CNTN3: variants seen among roughly 807,000 people sequenced by gnomAD.
The protein encoded by CNTN3 is contactin-3.
In CNTN3, 60 loss-of-function variants were observed where a neutral mutation model predicts 119.1. The ratio of observed to expected loss-of-function variants is 0.50; its 90% CI spans 0.41 to 0.62. The LOEUF is 0.62. Among genes scored for constraint, CNTN3 ranks in the 20% least tolerant of loss-of-function variants. CNTN3 has a pLI of 0.00. For missense variants in CNTN3, 1,101 were observed against 1,242.4 expected (o/e 0.89, Z 1.71); for synonymous variants, 450 against 438.7 (o/e 1.03, Z -0.32).
chr3:74,398,487 A>T (rs1389872502), intron 5 of CNTN3, among the ~76,000 whole-genome samples: 2 of 152,216 alleles, frequency 1.3e-5, no homozygotes, highest in Admixed American at 6.5e-5. Context: ...ATAAGCAAAC[A>T]CAGCTTTTAT....
chr3:74,531,369 A>T (rs1472900087), intron 1 of CNTN3, among the ~76,000 whole-genome samples: 1 of 151,996 alleles, frequency 6.6e-6, no homozygotes, highest in Non-Finnish European at 1.5e-5. Context: ...TTAGGGTTAC[A>T]TCTCATGAGT....
chr3:74,529,372 G>A (rs976658747), intron 1 of CNTN3, among the ~76,000 whole-genome samples: 8 of 151,934 alleles, frequency 5.3e-5, no homozygotes, highest in African/African-American at 1.9e-4. Context: ...CCTGGGTCAC[G>A]TGTTTAGAAA....
chr3:74,563,910 G>T (rs1190865747), intron 1 of CNTN3, among the ~76,000 whole-genome samples: 1 of 152,040 alleles, frequency 6.6e-6, no homozygotes, highest in East Asian at 1.9e-4. Flanking sequence ...GGGAATATTA[G>T]CCAATATTCA....
intron 1 of CNTN3, among the ~76,000 whole-genome samples, chr3:74,582,521 T>C (rs1044064018): frequency 2.0e-5 from 3 of 152,022 alleles, no homozygotes; most frequent in African/African-American, 7.2e-5. Flanking sequence ...AAAAGCCCCA[T>C]AAAAATAGGC....
chr3:74,285,824 TATATATATATATATAA>T (rs1702104738), intron 19 of CNTN3, among the ~76,000 whole-genome samples: 1 of 120,338 alleles, frequency 8.3e-6, no homozygotes, highest in African/African-American at 3.8e-5. Flanking sequence ...TATATATATA[TATATATATATATATAA>T]AATTAAAAAT....
chr3:74,588,779 C>A (rs1235457443), intron 1 of CNTN3, among the ~76,000 whole-genome samples: 2 of 152,108 alleles, frequency 1.3e-5, no homozygotes, highest in East Asian at 1.9e-4. Flanking sequence ...TGGAACAGAA[C>A]AGAGCCCTCA....
intron 1 of CNTN3, among the ~76,000 whole-genome samples, chr3:74,561,748 C>G (rs1487113125): frequency 1.3e-5 from 2 of 152,156 alleles, no homozygotes; most frequent in Non-Finnish European, 2.9e-5. Flanking sequence ...CTACAAGAGA[C>G]TGAGCCTGTG....
intron 4 of CNTN3, among the ~76,000 whole-genome samples, chr3:74,465,341 C>T (rs1159111447): frequency 1.3e-5 from 2 of 152,088 alleles, no homozygotes; most frequent in African/African-American, 4.8e-5. Flanking sequence ...AGGTCTTTAT[C>T]GTTACTATTA....
At position 74,365,642 on chromosome 3, in the gene CNTN3, T is replaced by A; in HGVS notation, c.1007A>T (p.Tyr336Phe). 6.2e-7 allele frequency: 1 copy of A among 1,613,542 alleles called. No homozygotes were observed. The highest frequency in any genetic ancestry group is 1.3e-5 in the African/African-American group (1 of 75,008). ...DVEIAVEDSL[Y>F]WECRASGKPK... Reference sequence around the variant, plus strand: ...CTTGCCGCTTGCCCTGCATTCCCAATAAAGACTGTCCTCCACGGCTATTTC... The same window carrying A: ...CTTGCCGCTTGCCCTGCATTCCCAAAAAAGACTGTCCTCCACGGCTATTTC... Residue 336 changes from tyrosine to phenylalanine, a missense_variant, in exon 9 of 23, where the codon TAT becomes TTT. Transcript: ENST00000263665.
intron 20 of CNTN3, 47 bp from the exon 21 acceptor site, chr3:74,267,425 GAT>G: frequency 7.5e-7 from 1 of 1,330,882 alleles, no homozygotes; most frequent in Non-Finnish European, 1.1e-6. Context: ...AAGTACAAGT[GAT>G]ATTTTACACG....
intron 4 of CNTN3, among the ~76,000 whole-genome samples, chr3:74,478,163 G>C (rs1343175235): frequency 6.6e-6 from 1 of 152,174 alleles, no homozygotes; most frequent in Non-Finnish European, 1.5e-5. Flanking sequence ...GCATCATGGA[G>C]AAAGATGACT....
At chr3:74,557,150 T>C (rs960477769) in intron 1 of CNTN3, among the ~76,000 whole-genome samples, 1 of 152,184 alleles carries the variant, frequency 6.6e-6, no homozygotes, top group South Asian at 2.1e-4. Flanking sequence ...GAAAATCTGA[T>C]TTTTCTCTTT....
In CNTN3 at chr3:74,365,674, C is replaced by G; in HGVS notation, c.975G>C (p.Lys325Asn). Reference protein sequence around the residue: ...YAKPHWVQLIKDVEIAVEDSL... With the variant: ...YAKPHWVQLINDVEIAVEDSL... ...TGTCCTCCACGGCTATTTCCACATCCTTTATGAGTTGAACCCAATGGGGCT... is the reference window on the plus strand; with the variant it reads ...TGTCCTCCACGGCTATTTCCACATCGTTTATGAGTTGAACCCAATGGGGCT... Residue 325 changes from lysine to asparagine, a missense_variant, in exon 9 of 23, where the codon AAG (lysine) becomes AAC (asparagine). Coordinates refer to ENST00000263665, the MANE Select transcript of CNTN3 (RefSeq NM_020872.3). 6.2e-7 allele frequency: 1 copy of G among 1,613,222 alleles called. No individual in the cohort carries two copies.
At chr3:74,522,378 T>C (rs953785028) in intron 1 of CNTN3, among the ~76,000 whole-genome samples, 5 of 151,902 alleles carry the variant, frequency 3.3e-5, no homozygotes, top group Non-Finnish European at 5.9e-5. Flanking sequence ...GTTCTAAGAA[T>C]TGCAGGTTAA....
intron 4 of CNTN3, among the ~76,000 whole-genome samples, chr3:74,427,779 T>G (rs1384441215): frequency 1.3e-5 from 2 of 151,778 alleles, no homozygotes; most frequent in Non-Finnish European, 2.9e-5. Context: ...TCAAAACTAC[T>G]CACAATTGTT....
intron 4 of CNTN3, among the ~76,000 whole-genome samples, chr3:74,438,960 A>G (rs1479979627): frequency 2.6e-5 from 4 of 152,212 alleles, no homozygotes; most frequent in African/African-American, 9.6e-5. Flanking sequence ...TTCATTTGTT[A>G]ACACTTCACC....
chr3:74,338,352 TAA>T (rs1202756590), intron 11 of CNTN3, among the ~76,000 whole-genome samples: 1 of 149,598 alleles, frequency 6.7e-6, no homozygotes, highest in Non-Finnish European at 1.5e-5. Context: ...TAAAAATGTA[TAA>T]GATAGATTTT....
chr3:74,576,640 T>G (rs1209211358), intron 1 of CNTN3, among the ~76,000 whole-genome samples: 1 of 152,072 alleles, frequency 6.6e-6, no homozygotes, highest in East Asian at 1.9e-4. Flanking sequence ...CCCTTAAATT[T>G]TTTCTATTAT....
At chr3:74,518,797 C>T (rs1333488117) in intron 2 of CNTN3, among the ~76,000 whole-genome samples, 1 of 151,880 alleles carries the variant, frequency 6.6e-6, no homozygotes, top group Non-Finnish European at 1.5e-5. Context: ...TGATTGAAAG[C>T]ATTTGAAGAT....
Sources: gnomAD v4.1 joint callset for allele counts (sites outside exome capture counted in the v4.1 genomes callset) on GRCh38, gnomAD v4.1.1 for gene constraint, MANE v1.5 for transcripts, NCBI Gene and HGNC (gene_info 2026-07-23, HGNC 2026-07-21) for gene names.